Variants in CSMD1 observed in about 807,000 individuals in gnomAD.
The protein encoded by CSMD1 is CUB and sushi domain-containing protein 1.
CSMD1 carries 213 observed loss-of-function variants against 417.5 expected under a neutral mutation model. The observed-to-expected ratio is 0.51, with a 90% CI of 0.46 to 0.57. CSMD1 has a LOEUF of 0.57. Ranked by LOEUF, CSMD1 falls within the 20% of genes least tolerant of loss-of-function variation. The pLI is 0.00. For synonymous variants in CSMD1, 2,862 were observed against 1,736.8 expected (o/e 1.65, Z -16.11); for missense variants, 6,923 against 4,529.7 (o/e 1.53, Z -15.17).
intron 37 of CSMD1, among the ~76,000 whole-genome samples, chr8:3,166,135 T>C (rs1339907635): frequency 4.6e-5 from 7 of 152,214 alleles, no homozygotes; most frequent in African/African-American, 1.7e-4. Flanking sequence ...AGCTTGAGTC[T>C]ATACATGTAT....
Position 3,407,889 on chromosome 8 carries a change from G to A in CSMD1, c.2071+10C>T. ...GAACTTGGATGTGTTGACTGTGTGG[G>A]CGTACTTACTGGTGTAAGTGATGTT... On this transcript the variant is annotated intron_variant, in intron 14 of 69. Transcript: ENST00000635120. 1 of 1,592,340 alleles carries A rather than the reference G, an allele frequency of 6.3e-7. No homozygotes were observed. The highest frequency in any genetic ancestry group is 1.1e-5 in the South Asian group (1 of 88,922).
At chr8:4,825,594 C>A (rs760115086) in intron 1 of CSMD1, among the ~76,000 whole-genome samples, 1 of 64,574 alleles carries the variant, frequency 1.5e-5, no homozygotes, top group Non-Finnish European at 3.9e-5. Context: ...GATCAAAAAG[C>A]ACAGAAAAGA....
chr8:3,667,497 TGGAGCCAACTAGG>T (rs1798757465), intron 7 of CSMD1, among the ~76,000 whole-genome samples: 1 of 152,062 alleles, frequency 6.6e-6, no homozygotes, highest in Admixed American at 6.6e-5. Flanking sequence ...CCAGGGTGGC[TGGAGCCAACTAGG>T]GGATGGGAGC....
intron 1 of CSMD1, among the ~76,000 whole-genome samples, chr8:4,742,511 T>A (rs530942953): frequency 6.6e-6 from 1 of 152,024 alleles, no homozygotes; most frequent in African/African-American, 2.4e-5. Context: ...CACATGTACA[T>A]AGAAAATATT....
chr8:4,393,851 T>C (rs2128924955), intron 3 of CSMD1, among the ~76,000 whole-genome samples: 1 of 152,336 alleles, frequency 6.6e-6, no homozygotes, highest in Admixed American at 6.5e-5. Flanking sequence ...TCTAGGAATG[T>C]ACACACATGG....
At chr8:4,098,156 GAAT>G (rs1267974892) in intron 3 of CSMD1, among the ~76,000 whole-genome samples, 1 of 152,108 alleles carries the variant, frequency 6.6e-6, no homozygotes, top group African/African-American at 2.4e-5. Flanking sequence ...TTGTAAATTA[GAAT>G]AACATGTTTT....
At chr8:3,720,620 T>TTCTCAAACAC (rs72331833) in intron 6 of CSMD1, among the ~76,000 whole-genome samples, 1 of 143,322 alleles carries the variant, frequency 7.0e-6, no homozygotes, top group African/African-American at 2.6e-5. Flanking sequence ...TCTTTATTCT[T>TTCTCAAACAC]ACACACACAC....
chr8:3,581,797 C>CA (rs1382476536), intron 9 of CSMD1, among the ~76,000 whole-genome samples: 1 of 150,674 alleles, frequency 6.6e-6, no homozygotes, highest in Non-Finnish European at 1.5e-5. Flanking sequence ...ATGATGCTGT[C>CA]TTTTTTTTTT....
chr8:3,681,468 A>T (rs59164418), intron 7 of CSMD1, among the ~76,000 whole-genome samples: 1,946 of 152,310 alleles, frequency 0.013, 39 homozygotes, highest in African/African-American at 0.044. Context: ...AATACCTAGG[A>T]ATCCAGCTTA....
At chr8:4,588,807 A>AC in intron 2 of CSMD1, among the ~76,000 whole-genome samples, 1 of 100,556 alleles carries the variant, frequency 9.9e-6, no homozygotes, top group South Asian at 3.6e-4. Context: ...CACACACACA[A>AC]AAGAAACTCT....
intron 3 of CSMD1, among the ~76,000 whole-genome samples, chr8:4,354,909 T>TGTGTGTGTGTGA (rs201029099): frequency 6.8e-6 from 1 of 146,822 alleles, no homozygotes; most frequent in Non-Finnish European, 1.5e-5. Context: ...TGTGTGTGTG[T>TGTGTGTGTGTGA]TAAATATTTG....
chr8:3,293,899 G>A (rs969040674), intron 25 of CSMD1, among the ~76,000 whole-genome samples: 1 of 152,262 alleles, frequency 6.6e-6, no homozygotes, highest in Non-Finnish European at 1.5e-5. Context: ...AGGAGGAGAG[G>A]TGTTCTGATT....
intron 43 of CSMD1, among the ~76,000 whole-genome samples, chr8:3,109,818 C>A (rs975704874): frequency 6.6e-6 from 1 of 151,508 alleles, no homozygotes; most frequent in Non-Finnish European, 1.5e-5. Context: ...GTAAGCCACA[C>A]AGACATACAC....
Position 4,454,791 on chromosome 8 carries a change from T to C in CSMD1, c.303-34726A>G, listed in dbSNP as rs375492589. 3.3e-5 allele frequency among the ~76,000 whole-genome samples: 5 copies of C among 152,342 alleles called. No individual in the cohort carries two copies. The East Asian group carries it at 5.8e-4, about 18-fold the overall frequency. Reference sequence around the variant, plus strand: ...ATAGCCATTCTAAAGGCACTTAAGCTACAACTAGAAGTGAAAATTATCTCA... The same window carrying C: ...ATAGCCATTCTAAAGGCACTTAAGCCACAACTAGAAGTGAAAATTATCTCA... On this transcript the variant is annotated intron_variant, in intron 2 of 69. Coordinates refer to ENST00000635120, the MANE Select transcript of CSMD1 (RefSeq NM_033225.6).
At chr8:4,403,269 C>G (rs1056140831) in intron 3 of CSMD1, among the ~76,000 whole-genome samples, 3 of 152,194 alleles carry the variant, frequency 2.0e-5, no homozygotes, top group Non-Finnish European at 2.9e-5. Flanking sequence ...AAACAGTCAA[C>G]AATGAACATA....
chr8:4,803,075 T>C (rs935211460), intron 1 of CSMD1, among the ~76,000 whole-genome samples: 1 of 152,176 alleles, frequency 6.6e-6, no homozygotes, highest in African/African-American at 2.4e-5. Flanking sequence ...GATATTGTGT[T>C]ACAGAAAAGT....
At chr8:3,847,618 G>A (rs528255849) in intron 5 of CSMD1, among the ~76,000 whole-genome samples, 92 of 152,200 alleles carry the variant, frequency 6.0e-4, no homozygotes, top group Non-Finnish European at 9.9e-4. Flanking sequence ...ATTCCAGACC[G>A]ATGGAGCCCC....
At chr8:4,743,206 A>G (rs1282715231) in intron 1 of CSMD1, among the ~76,000 whole-genome samples, 1 of 152,204 alleles carries the variant, frequency 6.6e-6, no homozygotes, top group Admixed American at 6.5e-5. Context: ...CAAACTTTTG[A>G]TAGAGGAGGT....
chr8:2,942,080 G>T (rs1049190205), intron 69 of CSMD1, among the ~76,000 whole-genome samples: 1 of 152,176 alleles, frequency 6.6e-6, no homozygotes, highest in African/African-American at 2.4e-5. Flanking sequence ...AGCATTGTTA[G>T]TCCAAGAAAG....
Sources: allele counts gnomAD v4.1 joint callset (sites outside exome capture counted in the v4.1 genomes callset), GRCh38; gene constraint gnomAD v4.1.1; transcripts MANE v1.5; gene names NCBI Gene and HGNC (gene_info 2026-07-23, HGNC 2026-07-21).